UTP25: variants seen among roughly 807,000 people sequenced by gnomAD.
UTP25 encodes U3 small nucleolar RNA-associated protein 25 homolog.
In UTP25, 50 loss-of-function variants were observed where a neutral mutation model predicts 78.9. The ratio of observed to expected loss-of-function variants is 0.63; its 90% CI spans 0.50 to 0.80. The LOEUF (loss-of-function observed/expected upper bound fraction) is 0.80, where lower values mean the gene tolerates loss of function less well. Among genes scored for constraint, UTP25 ranks in the 30% least tolerant of loss-of-function variants. The pLI is 0.00. For synonymous variants in UTP25, 329 were observed against 336.5 expected, an observed-to-expected ratio of 0.98 and a Z score of 0.24; for missense variants, 846 against 911.3, an observed-to-expected ratio of 0.93 and a Z score of 0.92.
chr1:209,851,666 G>C lies in UTP25; in HGVS notation c.*219G>C. 2.1e-6 allele frequency: 1 copy of C among 467,950 alleles called. No homozygotes were observed. The highest frequency in any genetic ancestry group is 3.6e-6 in the Non-Finnish European group (1 of 279,710). The allele number at this position is 467,950 out of a possible 1,614,324, so 29.0% of individuals were successfully genotyped here. A position where few individuals can be genotyped will look rare whatever the true frequency, so the allele number is the denominator to read the frequency against. ...AAATCCCATCTTTCAGAAGTGAAGA[G>C]GGGGCTAGAAGGACTCTGAGAAGTT... On this transcript the variant is annotated 3_prime_UTR_variant, in exon 12 of 12. Coordinates refer to ENST00000491415, the MANE Select transcript of UTP25 (RefSeq NM_014388.7).
At position 209,842,456 on chromosome 1, in the gene UTP25, T is replaced by A. The variant is rs2078172588; in HGVS notation, c.1668+9T>A. ...TCAACATGCAAGGCCAGGTGGGTTCTCGTCTTGTTTCCTCAGTATCTTCAT... is the reference window on the plus strand; with the variant it reads ...TCAACATGCAAGGCCAGGTGGGTTCACGTCTTGTTTCCTCAGTATCTTCAT... On this transcript the variant is annotated intron_variant, in intron 9 of 11. Coordinates refer to ENST00000491415, the MANE Select transcript of UTP25 (RefSeq NM_014388.7). 1 of 1,614,052 alleles carries A rather than the reference T, an allele frequency of 6.2e-7. No homozygotes were observed. Among genetic ancestry groups the A allele is most frequent in the Non-Finnish European group, 8.5e-7 (1 of 1,179,994 alleles).
At chr1:209,841,644 G>A (rs1378888623) in intron 8 of UTP25, among the ~76,000 whole-genome samples, 3 of 152,032 alleles carry the variant, frequency 2.0e-5, no homozygotes, top group African/African-American at 7.3e-5. Context: ...GGAACTATAG[G>A]TTTATTTTTC....
In UTP25 at chr1:209,842,350, G is replaced by T. The variant is rs373916005; in HGVS notation, c.1571G>T (p.Trp524Leu). 2 of 1,614,096 alleles carry T rather than the reference G, an allele frequency of 1.2e-6. No homozygotes were observed. The highest frequency in any genetic ancestry group is 1.7e-6 in the Non-Finnish European group (2 of 1,179,986). Reference sequence around the variant, plus strand: ...GTGCGGATGTGGAGCCTCAATAATTGGTCCAAGTACTATCGCCAGACACTG... The same window carrying T: ...GTGCGGATGTGGAGCCTCAATAATTTGTCCAAGTACTATCGCCAGACACTG... ...SRVRMWSLNN[W>L]SKYYRQTLLF... The change falls in exon 9 of 12, where the codon TGG (tryptophan) becomes TTG (leucine). Residue 524 changes from tryptophan (W) to leucine (L), a missense_variant. Coordinates refer to ENST00000491415, the MANE Select transcript of UTP25 (RefSeq NM_014388.7).
In UTP25 at chr1:209,856,711, T is replaced by G. The variant is rs1010223495; in HGVS notation, c.*5264T>G. On this transcript the variant is annotated 3_prime_UTR_variant, in exon 12 of 12. Transcript: ENST00000491415. ...CCTGAACTCCAAAGACACTGCCTAT[T>G]CTTTCGTCTGTTCTTGGCAAGCACC... is the stretch of plus-strand genomic sequence containing the variant. 1.3e-5 allele frequency: 2 copies of G among 152,260 alleles called. No homozygotes were observed. Among genetic ancestry groups the G allele is most frequent in the Non-Finnish European group, 2.9e-5 (2 of 68,066 alleles). 9.4% of individuals were successfully genotyped at this position (152,260 alleles called of 1,614,324 possible).
At chr1:209,850,699 A>T (rs892269571) in intron 11 of UTP25, among the ~76,000 whole-genome samples, 2 of 152,186 alleles carry the variant, frequency 1.3e-5, no homozygotes, top group Non-Finnish European at 2.9e-5. Flanking sequence ...GGTTTTGTAA[A>T]TGGATGAACT....
chr1:209,855,241 T>C lies in UTP25; in HGVS notation c.*3794T>C, dbSNP rs940012106. ...CAGCAAAACTGCATTTTATGTCCTG[T>C]GTCTAAAGCTAAACACATGTTCCTG... is the stretch of plus-strand genomic sequence containing the variant. On this transcript the variant is annotated 3_prime_UTR_variant, in exon 12 of 12. Transcript: ENST00000491415. 17 of 152,350 alleles carry C rather than the reference T, an allele frequency of 1.1e-4. No homozygotes were observed. The highest frequency in any genetic ancestry group is 3.8e-4 in the African/African-American group (16 of 41,578). 9.4% of individuals were successfully genotyped at this position (152,350 alleles called of 1,614,324 possible). A position where few individuals can be genotyped will look rare whatever the true frequency, so the allele number is the denominator to read the frequency against.
chr1:209,855,368 G>C lies in UTP25; in HGVS notation c.*3921G>C, dbSNP rs1316638543. 3 of 152,190 alleles carry C rather than the reference G, an allele frequency of 2.0e-5. No homozygotes were observed. The highest frequency in any genetic ancestry group is 4.4e-5 in the Non-Finnish European group (3 of 68,048). 9.4% of individuals were successfully genotyped at this position (152,190 alleles called of 1,614,324 possible). A position where few individuals can be genotyped will look rare whatever the true frequency, so the allele number is the denominator to read the frequency against. On this transcript the variant is annotated 3_prime_UTR_variant, in exon 12 of 12. Coordinates refer to ENST00000491415, the MANE Select transcript of UTP25 (RefSeq NM_014388.7). ...TTGCATTACATGTATTTCAGAGTAG[G>C]TCCTAGGCTCCCCTTACACCTCTGG... is the stretch of plus-strand genomic sequence containing the variant.
At chr1:209,838,502 AT>A (rs1293853644) in intron 6 of UTP25, among the ~76,000 whole-genome samples, 3 of 152,114 alleles carry the variant, frequency 2.0e-5, no homozygotes, top group Non-Finnish European at 4.4e-5. Flanking sequence ...TTCGACATGT[AT>A]TTATTCACTG....
At chr1:209,850,548 TG>T (rs2078224807) in intron 11 of UTP25, among the ~76,000 whole-genome samples, 1 of 152,232 alleles carries the variant, frequency 6.6e-6, no homozygotes, top group Admixed American at 6.5e-5. Flanking sequence ...TCAGCCTGAC[TG>T]AACCATACTG....
chr1:209,829,805 A>T (rs2078093053), intron 1 of UTP25, among the ~76,000 whole-genome samples: 1 of 152,106 alleles, frequency 6.6e-6, no homozygotes, highest in Non-Finnish European at 1.5e-5. Context: ...ATTCTAATTA[A>T]GAAATTTGCT....
At chr1:209,835,357 G>C (rs1335680658) in intron 5 of UTP25, among the ~76,000 whole-genome samples, 194 bp downstream of exon 5, 1 of 152,180 alleles carries the variant, frequency 6.6e-6, no homozygotes, top group African/African-American at 2.4e-5. Flanking sequence ...CAGGAAGCTG[G>C]AGTGTGGGTG....
intron 7 of UTP25, among the ~76,000 whole-genome samples, chr1:209,839,774 A>G (rs2078156045): frequency 6.6e-6 from 1 of 152,230 alleles, no homozygotes; most frequent in Non-Finnish European, 1.5e-5. Flanking sequence ...ACAGATAAAT[A>G]TAGAAATAAA....
rs748058475 is a variant in UTP25 at position 209,842,659 on chromosome 1, T to C, written c.1745T>C (p.Met582Thr). 2 of 1,613,474 alleles carry C rather than the reference T, an allele frequency of 1.2e-6. No individual in the cohort carries two copies. Among genetic ancestry groups the C allele is most frequent in the Admixed American group, 1.7e-5 (1 of 59,942 alleles). The change falls in exon 10 of 12, where the codon ATG (methionine) becomes ACG (threonine). Residue 582 changes from methionine (M) to threonine (T), a missense_variant. By Grantham distance (81) the Met-to-Thr change is moderately conservative (BLOSUM62 -1). Transcript: ENST00000491415. Reference sequence around the variant, plus strand: ...CAGCTCCCACATGTCTTCCAGAGGATGGAAGCTGAAAACCTAGCTTCAGTG... The same window carrying C: ...CAGCTCCCACATGTCTTCCAGAGGACGGAAGCTGAAAACCTAGCTTCAGTG... ...LVQLPHVFQRMEAENLASVID... is the reference protein window; with the variant it reads ...LVQLPHVFQRTEAENLASVID...
In UTP25 at chr1:209,853,915, T is replaced by C. The variant is rs1475174963; in HGVS notation, c.*2468T>C. The stretch of plus-strand genomic sequence containing the variant: ...TTGCCTGCAGAGAACACTGAGGATT[T>C]CAAGTGTGAACAAAGTAGTGTTGCT... On this transcript the variant is annotated 3_prime_UTR_variant, in exon 12 of 12. Coordinates refer to ENST00000491415, the MANE Select transcript of UTP25 (RefSeq NM_014388.7). 6.6e-6 allele frequency: 1 copy of C among 152,224 alleles called. No homozygotes were observed. The highest frequency in any genetic ancestry group is 1.5e-5 in the Non-Finnish European group (1 of 68,044). The allele number at this position is 152,224 out of a possible 1,614,324, so 9.4% of individuals were successfully genotyped here. A position where few individuals can be genotyped will look rare whatever the true frequency, so the allele number is the denominator to read the frequency against.
intron 7 of UTP25, 112 bp downstream of exon 7, chr1:209,839,240 C>G: frequency 1.2e-5 from 12 of 1,011,518 alleles, no homozygotes; most frequent in Non-Finnish European, 1.7e-5. Context: ...GCCTCTTTAA[C>G]AGAACCAGTG....
At position 209,854,593 on chromosome 1, in the gene UTP25, C is replaced by T. The variant is rs925763150; in HGVS notation, c.*3146C>T. 6.6e-6 allele frequency: 1 copy of T among 152,314 alleles called. No individual in the cohort carries two copies. The highest frequency in any genetic ancestry group is 2.4e-5 in the African/African-American group (1 of 41,452). 9.4% of individuals were successfully genotyped at this position (152,314 alleles called of 1,614,324 possible). A position where few individuals can be genotyped will look rare whatever the true frequency, so the allele number is the denominator to read the frequency against. ...GCCCTCGTGAGGGCAAGGAGCTATG[C>T]TGCTGAAGGAGGAAAGGGAAAGGCA... On this transcript the variant is annotated 3_prime_UTR_variant, in exon 12 of 12. Coordinates refer to ENST00000491415, the MANE Select transcript of UTP25 (RefSeq NM_014388.7).
At chr1:209,837,881 G>T (rs58260740) in intron 6 of UTP25, among the ~76,000 whole-genome samples, 3,670 of 152,238 alleles carry the variant, frequency 0.024, 158 homozygotes, top group African/African-American at 0.083. Flanking sequence ...GCATCTCTCC[G>T]TATTGAAGAA....
chr1:209,839,661 G>A (rs1255048298), intron 7 of UTP25, among the ~76,000 whole-genome samples: 2 of 152,182 alleles, frequency 1.3e-5, no homozygotes, highest in Non-Finnish European at 2.9e-5. Flanking sequence ...ACCTTTTATA[G>A]AGTAAAGTTC....
intron 8 of UTP25, 51 bp downstream of exon 8, chr1:209,841,106 T>A: frequency 6.3e-7 from 1 of 1,591,368 alleles, no homozygotes; most frequent in Non-Finnish European, 8.6e-7. Flanking sequence ...TTTAGAGGGA[T>A]AAGACACCCA....
Sources: allele counts gnomAD v4.1 joint callset (sites outside exome capture counted in the v4.1 genomes callset), GRCh38; gene constraint gnomAD v4.1.1; transcripts MANE v1.5; gene names NCBI Gene and HGNC (gene_info 2026-07-23, HGNC 2026-07-21).